RBFOX1: variants seen among roughly 807,000 people sequenced by gnomAD.
RBFOX1 encodes the protein RNA binding protein fox-1 homolog 1.
In RBFOX1, 8 loss-of-function variants were observed where a neutral mutation model predicts 57.7. That is an observed-to-expected ratio of 0.14 (90% CI 0.08 to 0.25). The LOEUF (loss-of-function observed/expected upper bound fraction) is 0.25, where lower values mean the gene tolerates loss of function less well. Among genes scored for constraint, RBFOX1 ranks in the 10% least tolerant of loss-of-function variants. The pLI is 1.00. For synonymous variants in RBFOX1, 326 were observed against 222.4 expected (o/e 1.47, Z -4.15); for missense variants, 611 against 548.5 (o/e 1.11, Z -1.14).
intron 4 of RBFOX1, among the ~76,000 whole-genome samples, chr16:7,477,317 C>G (rs1265383531): frequency 4.6e-5 from 7 of 152,188 alleles, no homozygotes; most frequent in Non-Finnish European, 1.0e-4. Context: ...TTCATATCAT[C>G]TATTTCAGTT....
At chr16:7,041,839 A>G (rs368176613) in intron 3 of RBFOX1, among the ~76,000 whole-genome samples, 1 of 152,282 alleles carries the variant, frequency 6.6e-6, no homozygotes, top group East Asian at 1.9e-4. Context: ...GAATTTTTAA[A>G]TGTGTTAAGT....
chr16:5,727,172 C>G (rs569335450), intron 3 of RBFOX1, among the ~76,000 whole-genome samples: 3 of 152,182 alleles, frequency 2.0e-5, no homozygotes, highest in Admixed American at 6.5e-5. Context: ...GAAGCTGAGG[C>G]AGGAGAATTG....
chr16:7,595,774 A>T lies in RBFOX1; in HGVS notation c.561+133A>T, dbSNP rs564319499. 1,326 of 335,662 alleles carry T rather than the reference A, an allele frequency of 4.0e-3. 16 individuals carry two copies. The highest frequency in any genetic ancestry group is 0.026 in the African/African-American group (1,161 of 44,564). 20.8% of individuals were successfully genotyped at this position (335,662 alleles called of 1,614,324 possible). A position where few individuals can be genotyped will look rare whatever the true frequency, so the allele number is the denominator to read the frequency against. On this transcript the variant is annotated intron_variant, in intron 8 of 15. Transcript: ENST00000550418. ...CCTCATTGTTTATATATATATATAT[A>T]TTTTTATATATAAAAAGGAAAACTG...
intron 3 of RBFOX1, among the ~76,000 whole-genome samples, chr16:6,824,813 C>T (rs776610104): frequency 2.0e-4 from 30 of 151,704 alleles, no homozygotes; most frequent in Non-Finnish European, 3.7e-4. Flanking sequence ...TTTGTAATAA[C>T]ATGTCAAAGA....
chr16:5,928,551 T>G (rs906137378), intron 4 of RBFOX1, among the ~76,000 whole-genome samples: 9 of 152,112 alleles, frequency 5.9e-5, no homozygotes, highest in African/African-American at 1.9e-4. Flanking sequence ...AAAATAAAAT[T>G]GTTATGTTAG....
At position 6,932,333 on chromosome 16, in the gene RBFOX1, C is replaced by G. The variant is rs147786919; in HGVS notation, c.-15-119724C>G. 6.4e-3 allele frequency among the ~76,000 whole-genome samples: 975 copies of G among 152,262 alleles called. 16 individuals carry two copies. The highest frequency in any genetic ancestry group is 0.021 in the African/African-American group (893 of 41,548). On this transcript the variant is annotated intron_variant, in intron 3 of 15. Transcript: ENST00000550418. ...TGTTGGCCAAGCTGGTCTCAAACTCCTGACCTCAGGTGATCCACCTGCCTC... is the reference window on the plus strand; with the variant it reads ...TGTTGGCCAAGCTGGTCTCAAACTCGTGACCTCAGGTGATCCACCTGCCTC...
intron 3 of RBFOX1, among the ~76,000 whole-genome samples, chr16:6,911,397 C>T (rs934486553): frequency 2.0e-5 from 3 of 152,158 alleles, no homozygotes; most frequent in Non-Finnish European, 2.9e-5. Context: ...GAGGAGGAAT[C>T]TGTTCCATGC....
Position 5,863,987 on chromosome 16 carries a change from C to T in RBFOX1, c.319-3316C>T, listed in dbSNP as rs540703638. Among the ~76,000 whole-genome samples, 6 of 152,244 alleles carry T rather than the reference C, an allele frequency of 3.9e-5. No individual in the cohort carries two copies. The South Asian group carries it at 1.2e-3, about 32-fold the overall frequency. ...ACTTGTGTCATGAGGGTTTGTTGTACAGATGATTTCATCCCCCAGGTATTA... is the reference window on the plus strand; with the variant it reads ...ACTTGTGTCATGAGGGTTTGTTGTATAGATGATTTCATCCCCCAGGTATTA... On this transcript the variant is annotated intron_variant, in intron 3 of 19. Transcript: ENST00000641259.
chr16:6,850,064 C>T (rs1475895001), intron 3 of RBFOX1, among the ~76,000 whole-genome samples: 1 of 152,108 alleles, frequency 6.6e-6, no homozygotes, highest in Non-Finnish European at 1.5e-5. Context: ...GCATAGATAC[C>T]TTCTTAACCG....
chr16:7,612,076 C>G (rs2057582421), intron 10 of RBFOX1, among the ~76,000 whole-genome samples: 2 of 152,000 alleles, frequency 1.3e-5, no homozygotes, highest in African/African-American at 2.4e-5. Context: ...AATCCCAGCA[C>G]TTTGGGAGGC....
At chr16:7,044,626 G>C (rs1298273372) in intron 3 of RBFOX1, among the ~76,000 whole-genome samples, 1 of 152,134 alleles carries the variant, frequency 6.6e-6, no homozygotes, top group Non-Finnish European at 1.5e-5. Flanking sequence ...TAAAGGAACA[G>C]CGCCCGACCT....
chr16:6,226,978 G>C (rs1462029383), intron 1 of RBFOX1, among the ~76,000 whole-genome samples: 2 of 150,404 alleles, frequency 1.3e-5, no homozygotes, highest in Admixed American at 6.6e-5. Flanking sequence ...ACAAAAATTA[G>C]CTGGGTGTGG....
intron 2 of RBFOX1, among the ~76,000 whole-genome samples, chr16:6,544,050 T>G (rs1200063519): frequency 6.6e-6 from 1 of 152,226 alleles, no homozygotes; most frequent in Non-Finnish European, 1.5e-5. Context: ...GAGATGCTCT[T>G]CTAGGTGTCT....
chr16:7,270,609 G>T (rs1384293912), intron 4 of RBFOX1, among the ~76,000 whole-genome samples: 2 of 152,274 alleles, frequency 1.3e-5, no homozygotes, highest in East Asian at 1.9e-4. Context: ...AAGAAAATAG[G>T]TCTTAAAATT....
intron 3 of RBFOX1, among the ~76,000 whole-genome samples, chr16:6,702,084 C>G (rs1398642951): frequency 3.9e-5 from 6 of 152,050 alleles, no homozygotes; most frequent in Admixed American, 6.6e-5. Flanking sequence ...ACATGTACCC[C>G]TGAATCTAAA....
chr16:6,786,942 T>G (rs764131426), intron 3 of RBFOX1, among the ~76,000 whole-genome samples: 4 of 152,176 alleles, frequency 2.6e-5, no homozygotes, highest in Non-Finnish European at 5.9e-5. Flanking sequence ...CTTAGGGACC[T>G]TATCTGAAAG....
intron 3 of RBFOX1, among the ~76,000 whole-genome samples, chr16:5,830,372 G>A (rs1034496638): frequency 2.0e-5 from 3 of 151,202 alleles, no homozygotes; most frequent in African/African-American, 7.3e-5. Flanking sequence ...CAATCATTTT[G>A]CTTTTTGTTT....
chr16:6,741,227 G>C (rs981661596), intron 3 of RBFOX1, among the ~76,000 whole-genome samples: 3 of 152,042 alleles, frequency 2.0e-5, no homozygotes, highest in Admixed American at 1.3e-4. Flanking sequence ...ATAAAAATTA[G>C]CTCAAAATGG....
At chr16:6,152,364 T>C (rs1567570320) in intron 1 of RBFOX1, among the ~76,000 whole-genome samples, 1 of 152,156 alleles carries the variant, frequency 6.6e-6, no homozygotes, top group African/African-American at 2.4e-5. Context: ...AGCTGCTGTT[T>C]GCTTCATCCA....
Sources: gnomAD v4.1 joint callset for allele counts (sites outside exome capture counted in the v4.1 genomes callset) on GRCh38, gnomAD v4.1.1 for gene constraint, MANE v1.5 for transcripts, NCBI Gene and HGNC (gene_info 2026-07-23, HGNC 2026-07-21) for gene names.